The following MYO3B variants were observed in gnomAD, a reference collection of about 807,000 sequenced individuals.
The protein encoded by MYO3B is myosin IIIB.
In MYO3B, 156 loss-of-function variants were observed where a neutral mutation model predicts 174.6. That is an observed-to-expected ratio of 0.89 (90% CI 0.78 to 1.02). MYO3B has a LOEUF of 1.02. Among genes scored for constraint, MYO3B ranks in the 50% least tolerant of loss-of-function variants. The pLI, the probability that MYO3B is intolerant of heterozygous loss-of-function variation, is 0.00. For synonymous variants in MYO3B, 563 were observed against 569.1 expected (o/e 0.99, Z 0.15); for missense variants, 1,632 against 1,639.4 (o/e 1.00, Z 0.08).
intron 22 of MYO3B, among the ~76,000 whole-genome samples, chr2:170,426,472 A>T (rs985273598): frequency 2.6e-5 from 4 of 151,330 alleles, no homozygotes; most frequent in South Asian, 4.2e-4. Context: ...AGTAGCTGGG[A>T]CTACAGGCAC....
intron 32 of MYO3B, among the ~76,000 whole-genome samples, chr2:170,555,469 T>G (rs1267279628): frequency 1.3e-5 from 2 of 152,212 alleles, no homozygotes; most frequent in Admixed American, 1.3e-4. Context: ...TTTTATTTAT[T>G]TACTTATTGA....
intron 7 of MYO3B, among the ~76,000 whole-genome samples, chr2:170,291,129 A>G (rs1223887463): frequency 6.6e-6 from 1 of 152,066 alleles, no homozygotes. Flanking sequence ...GGCACCTGTA[A>G]TCTCAGCTAC....
intron 19 of MYO3B, among the ~76,000 whole-genome samples, chr2:170,403,791 C>G (rs1019779601): frequency 3.3e-5 from 5 of 152,188 alleles, no homozygotes; most frequent in African/African-American, 1.2e-4. Context: ...TAGCACTCCT[C>G]TCCCATCCAC....
At chr2:170,490,875 C>T (rs996769010) in intron 25 of MYO3B, among the ~76,000 whole-genome samples, 1 of 151,978 alleles carries the variant, frequency 6.6e-6, no homozygotes, top group East Asian at 1.9e-4. Flanking sequence ...CCTGATTATT[C>T]TTTAAATATT....
intron 7 of MYO3B, among the ~76,000 whole-genome samples, chr2:170,315,928 G>GA (rs1393678892): frequency 3.9e-5 from 6 of 152,148 alleles, no homozygotes; most frequent in Admixed American, 6.5e-5. Context: ...CAGATATCTG[G>GA]AAAAAATCAC....
chr2:170,289,970 C>T (rs185483580), intron 7 of MYO3B, among the ~76,000 whole-genome samples: 1 of 152,206 alleles, frequency 6.6e-6, no homozygotes, highest in Non-Finnish European at 1.5e-5. Context: ...CATTCAGGAA[C>T]ACATTGTTTA....
chr2:170,307,775 T>C (rs2093710915), intron 7 of MYO3B, among the ~76,000 whole-genome samples: 1 of 152,228 alleles, frequency 6.6e-6, no homozygotes, highest in African/African-American at 2.4e-5. Flanking sequence ...TCAAGGGCAG[T>C]CAGGCAGTCA....
At chr2:170,240,174 G>A (rs35328799) in intron 7 of MYO3B, among the ~76,000 whole-genome samples, 46,793 of 151,870 alleles carry the variant, frequency 0.31, 7,632 homozygotes, top group Non-Finnish European at 0.38. Context: ...AAATGAGGTC[G>A]CATTCTCAGG....
intron 6 of MYO3B, among the ~76,000 whole-genome samples, chr2:170,233,762 G>T (rs930730009): frequency 6.6e-6 from 1 of 152,236 alleles, no homozygotes; most frequent in Non-Finnish European, 1.5e-5. Context: ...AGCACATTTT[G>T]CACAGTTGGC....
intron 32 of MYO3B, chr2:170,644,345 G>A (rs1212132310): frequency 6.6e-6 from 1 of 151,306 alleles, no homozygotes; most frequent in Non-Finnish European, 1.5e-5. Context: ...GGAGTGCAAT[G>A]ATGCGATCTC....
chr2:170,398,697 A>G (rs963959410), intron 16 of MYO3B, among the ~76,000 whole-genome samples: 3 of 152,190 alleles, frequency 2.0e-5, no homozygotes, highest in African/African-American at 7.2e-5. Flanking sequence ...AGGGTTTTAG[A>G]TGCTTTTGTG....
At chr2:170,208,136 T>G (rs1330222840) in intron 3 of MYO3B, among the ~76,000 whole-genome samples, 1 of 152,228 alleles carries the variant, frequency 6.6e-6, no homozygotes, top group Non-Finnish European at 1.5e-5. Flanking sequence ...TGCTATGCCT[T>G]TTAACTTCCA....
rs1235580972 is a variant in MYO3B at position 170,461,487 on chromosome 2, A to AAAG, written c.2731-1881_2731-1880insAAG. On this transcript the variant is annotated intron_variant, in intron 23 of 34. Transcript: ENST00000408978. ...GTCTCAAAAAAAAAAAAAAAAAAAA[A>AAAG]GGGCTGGGCCGAGCACGGTGGCTCA... Among the ~76,000 whole-genome samples, 434 of 143,382 alleles carry AAAG rather than the reference A, an allele frequency of 3.0e-3. 4 individuals are homozygous for AAAG. Among genetic ancestry groups the AAAG allele is most frequent in the African/African-American group, 0.011 (424 of 37,236 alleles). 94.1% of individuals were successfully genotyped at this position (143,382 alleles called of 152,430 possible).
intron 25 of MYO3B, among the ~76,000 whole-genome samples, chr2:170,495,839 A>G (rs1439847217): frequency 2.0e-5 from 3 of 152,222 alleles, no homozygotes; most frequent in Non-Finnish European, 4.4e-5. Context: ...TCTCACCGCA[A>G]TAGATTTGCC....
At position 170,653,606 on chromosome 2, in the gene MYO3B, A is replaced by ATTTTTTAAT; in HGVS notation, c.*485_*486insTTTTTTAAT. On this transcript the variant is annotated 3_prime_UTR_variant, in exon 35 of 35. Coordinates refer to ENST00000408978, the MANE Select transcript of MYO3B (RefSeq NM_138995.5). ...CTTTTCTATCACTCCCACCTCCCCC[A>ATTTTTTAAT]GAGTCAGGGCTCCATTGCTGAGTGC... 6.3e-6 allele frequency: 1 copy of ATTTTTTAAT among 157,586 alleles called. No individual in the cohort carries two copies. The highest frequency in any genetic ancestry group is 1.9e-4 in the South Asian group (1 of 5,216). 9.8% of individuals were successfully genotyped at this position (157,586 alleles called of 1,614,324 possible). A position where few individuals can be genotyped will look rare whatever the true frequency, so the allele number is the denominator to read the frequency against.
intron 32 of MYO3B, among the ~76,000 whole-genome samples, chr2:170,584,294 A>G (rs1313678371): frequency 2.6e-5 from 4 of 151,642 alleles, no homozygotes; most frequent in Non-Finnish European, 5.9e-5. Flanking sequence ...AAAGCTATGG[A>G]TAAAGTTTTT....
intron 32 of MYO3B, among the ~76,000 whole-genome samples, chr2:170,611,949 C>CA: frequency 6.6e-6 from 1 of 152,200 alleles, no homozygotes; most frequent in East Asian, 1.9e-4. Flanking sequence ...AAATGCTTCT[C>CA]AAAAAATAGA....
chr2:170,369,140 C>T, intron 8 of MYO3B, 82 bp from the exon 9 acceptor site: 5 of 1,297,430 alleles, frequency 3.9e-6, no homozygotes, highest in Non-Finnish European at 5.3e-6. Context: ...TGAGCTTTTA[C>T]CTTCTCTCCA....
chr2:170,646,899 C>A, intron 32 of MYO3B: 1 of 1,356,766 alleles, frequency 7.4e-7, no homozygotes. Flanking sequence ...TTCTCTGTCT[C>A]TCGCCTCAGC....
Sources: gnomAD v4.1 joint callset for allele counts (sites outside exome capture counted in the v4.1 genomes callset) on GRCh38, gnomAD v4.1.1 for gene constraint, MANE v1.5 for transcripts, NCBI Gene and HGNC (gene_info 2026-07-23, HGNC 2026-07-21) for gene names.